CHD1L: variants seen among roughly 807,000 people sequenced by gnomAD.
The protein encoded by CHD1L is ATP-dependent chromatin remodeler CHD1L.
A neutral mutation model predicts 115.9 loss-of-function variants in CHD1L; 118 were observed. The observed-to-expected ratio is 1.02, with a 90% CI of 0.88 to 1.19. The LOEUF is 1.19. CHD1L is among the 50% of genes most tolerant of loss of function. CHD1L has a pLI of 0.00. For synonymous variants in CHD1L, 411 were observed against 387.1 expected, an observed-to-expected ratio of 1.06 and a Z score of -0.72; for missense variants, 1,179 against 1,065.3, an observed-to-expected ratio of 1.11 and a Z score of -1.49.
the CHD1L span, chr1:147,178,725 C>T: frequency 6.3e-7 from 1 of 1,582,872 alleles, no homozygotes; most frequent in Non-Finnish European, 8.7e-7. Flanking sequence ...ATGGTATCAT[C>T]TTATTTCGTC....
chr1:147,201,309 G>T, the CHD1L span: 1 of 1,614,094 alleles, frequency 6.2e-7, no homozygotes, highest in Non-Finnish European at 8.5e-7. Context: ...CCACTTTGAC[G>T]GAATCTTCCA....
chr1:147,286,568 G>A, intron 18 of CHD1L, 68 bp downstream of exon 18: 2 of 1,441,670 alleles, frequency 1.4e-6, no homozygotes, highest in East Asian at 2.3e-5. Flanking sequence ...TGGGGAGGAT[G>A]GGGCACTGGG....
intron 2 of CHD1L, among the ~76,000 whole-genome samples, chr1:147,254,260 G>T (rs587643486): frequency 1.3e-5 from 2 of 152,158 alleles, no homozygotes; most frequent in East Asian, 1.9e-4. Context: ...TGTTTTCCCC[G>T]TTAGAATGTG....
At chr1:147,276,390 C>CT in intron 14 of CHD1L, 133 bp downstream of exon 14, 1 of 853,510 alleles carries the variant, frequency 1.2e-6, no homozygotes, top group Non-Finnish European at 1.8e-6. Flanking sequence ...TCACACCTGC[C>CT]ACAGTGCTGG....
the CHD1L span, among the ~76,000 whole-genome samples, chr1:147,192,292 T>C: frequency 2.0e-5 from 3 of 152,094 alleles, no homozygotes; most frequent in Non-Finnish European, 1.5e-5. Context: ...GGGAGTTCAC[T>C]CATGATTTGG....
At chr1:147,244,345 A>G (rs1472392630) in intron 1 of CHD1L, among the ~76,000 whole-genome samples, 1 of 152,228 alleles carries the variant, frequency 6.6e-6, no homozygotes, top group African/African-American at 2.4e-5. Flanking sequence ...ATAAATTGGT[A>G]GTGGAGAAGG....
the CHD1L span, among the ~76,000 whole-genome samples, chr1:147,196,812 C>T: frequency 2.0e-5 from 3 of 151,988 alleles, no homozygotes; most frequent in Admixed American, 6.6e-5. Context: ...TCTTTTCTGT[C>T]TCTCTTCTCC....
In CHD1L at chr1:147,250,811, G is replaced by A. The variant is rs1018069312; in HGVS notation, c.128-1812G>A. On this transcript the variant is annotated intron_variant, in intron 1 of 22. Coordinates refer to ENST00000369258, the MANE Select transcript of CHD1L (RefSeq NM_004284.6). ...GCTGGAGCAGGCTTGTGAGGGGTGGGGGTGGTATGGTTTGGCTGTGTCCCC... is the reference window on the plus strand; with the variant it reads ...GCTGGAGCAGGCTTGTGAGGGGTGGAGGTGGTATGGTTTGGCTGTGTCCCC... Among the ~76,000 whole-genome samples the A allele has an allele frequency of 5.9e-5, 9 of 151,864 alleles. No individual in the cohort carries two copies. The East Asian group carries it at 1.6e-3, about 26-fold the overall frequency.
the CHD1L span, among the ~76,000 whole-genome samples, chr1:147,229,093 G>C: frequency 1.3e-5 from 2 of 152,172 alleles, no homozygotes; most frequent in Non-Finnish European, 2.9e-5. Flanking sequence ...CCATGACTAT[G>C]TCCTGAATGG....
intron 2 of CHD1L, 21 bp from the exon 3 acceptor site, chr1:147,254,849 C>A: frequency 6.4e-7 from 1 of 1,552,310 alleles, no homozygotes. Context: ...TCAAAACTGC[C>A]TTTCTTTTTC....
the CHD1L span, among the ~76,000 whole-genome samples, chr1:147,236,016 A>G: frequency 6.6e-6 from 1 of 152,238 alleles, no homozygotes; most frequent in Non-Finnish European, 1.5e-5. Context: ...CCAGATGCAG[A>G]GCAGAGAGGG....
rs912055166 is a variant in CHD1L at position 147,287,720 on chromosome 1, T to C, written c.2307T>C (p.Ala769=). The change falls in exon 19 of 23, where the codon GCT becomes GCC. Residue 769 remains alanine, a synonymous_variant. Transcript: ENST00000369258. ...SAEPRKIYEL[A]GKMKDLSLGG... is the part of the protein sequence containing the mutation. ...AGCCAAGAAAAATATATGAGCTGGC[T>C]GGGAAAATGAAAGGTAAGAAGCAAA... is the stretch of plus-strand genomic sequence containing the variant. 2.5e-6 allele frequency: 4 copies of C among 1,613,762 alleles called. No individual in the cohort carries two copies. Among genetic ancestry groups the C allele is most frequent in the Non-Finnish European group, 2.5e-6 (3 of 1,179,966 alleles).
chr1:147,235,222 A>G, the CHD1L span, among the ~76,000 whole-genome samples: 12 of 152,146 alleles, frequency 7.9e-5, no homozygotes, highest in Non-Finnish European at 1.5e-4. Context: ...AAATGAGATT[A>G]CCATGGAACC....
chr1:147,185,120 C>G, the CHD1L span, among the ~76,000 whole-genome samples: 1 of 151,634 alleles, frequency 6.6e-6, no homozygotes, highest in African/African-American at 2.4e-5. Flanking sequence ...GTTTTGAGTT[C>G]AATTTCTTGT....
chr1:147,177,352 C>A, the CHD1L span, among the ~76,000 whole-genome samples: 5 of 152,160 alleles, frequency 3.3e-5, no homozygotes, highest in African/African-American at 1.2e-4. Context: ...TCCATGAGTT[C>A]ATACTGATAC....
the CHD1L span, among the ~76,000 whole-genome samples, chr1:147,194,811 T>C: frequency 6.6e-6 from 1 of 152,026 alleles, no homozygotes; most frequent in East Asian, 1.9e-4. Flanking sequence ...AAAATTCTTT[T>C]CTTTAAGAAT....
chr1:147,243,850 A>G (rs1272235466), intron 1 of CHD1L, among the ~76,000 whole-genome samples: 1 of 152,252 alleles, frequency 6.6e-6, no homozygotes, highest in Non-Finnish European at 1.5e-5. Context: ...AATTTATTTA[A>G]GTGCTCAGTA....
At chr1:147,216,141 A>G in the CHD1L span, among the ~76,000 whole-genome samples, 1 of 152,232 alleles carries the variant, frequency 6.6e-6, no homozygotes, top group Non-Finnish European at 1.5e-5. Context: ...AACAGCATAC[A>G]GTTGAAATGA....
Position 147,285,437 on chromosome 1 carries a change from A to C in CHD1L, c.1968A>C (p.Arg656Ser). Reference protein sequence around the residue: ...KRQEAAAKRRRLIEEKKRQKE... With the variant: ...KRQEAAAKRRSLIEEKKRQKE... ...AAGAAGCAGCTGCCAAGAGAAGGAG[A>C]CTCATAGAGGAGAAGAAGAGGCAAA... is the stretch of plus-strand genomic sequence containing the variant. The change falls in exon 17 of 23, where the codon AGA (arginine) becomes AGC (serine). Residue 656 changes from arginine to serine, a missense_variant. Arg to Ser is a moderately radical substitution (Grantham distance 110). Coordinates refer to ENST00000369258, the MANE Select transcript of CHD1L (RefSeq NM_004284.6). 6.2e-7 allele frequency: 1 copy of C among 1,613,938 alleles called. No homozygotes were observed. The highest frequency in any genetic ancestry group is 8.5e-7 in the Non-Finnish European group (1 of 1,179,974).
Sources: allele counts gnomAD v4.1 joint callset (sites outside exome capture counted in the v4.1 genomes callset), GRCh38; gene constraint gnomAD v4.1.1; transcripts MANE v1.5; gene names NCBI Gene and HGNC (gene_info 2026-07-23, HGNC 2026-07-21).